The following GULP1 variants were observed in gnomAD, a reference collection of about 807,000 sequenced individuals.
The protein encoded by GULP1 is GULP PTB domain containing engulfment adaptor 1.
GULP1 carries 19 observed loss-of-function variants against 40.9 expected under a neutral mutation model. That is an observed-to-expected ratio of 0.46 (90% CI 0.32 to 0.68). The LOEUF (loss-of-function observed/expected upper bound fraction) is 0.68. Ranked by LOEUF, GULP1 falls within the 30% of genes least tolerant of loss-of-function variation. GULP1 has a pLI of 0.03. For missense variants in GULP1, 312 were observed against 362.2 expected, an observed-to-expected ratio of 0.86 and a Z score of 1.12; for synonymous variants, 119 against 117.6, an observed-to-expected ratio of 1.01 and a Z score of -0.08.
chr2:188,379,587 A>C (rs1343671287), intron 1 of GULP1, among the ~76,000 whole-genome samples: 2 of 152,102 alleles, frequency 1.3e-5, no homozygotes, highest in Non-Finnish European at 2.9e-5. Context: ...CCGCCTTGGC[A>C]ATATGATCTT....
chr2:188,454,613 G>C (rs568743497), intron 2 of GULP1, among the ~76,000 whole-genome samples: 1 of 152,212 alleles, frequency 6.6e-6, no homozygotes, highest in Non-Finnish European at 1.5e-5. Flanking sequence ...GCCTCTGTCA[G>C]TAGATCAGGA....
intron 1 of GULP1, among the ~76,000 whole-genome samples, chr2:188,378,709 C>G (rs544347319): frequency 1.3e-5 from 2 of 152,056 alleles, no homozygotes; most frequent in South Asian, 4.1e-4. Context: ...AAGGGACTAA[C>G]AGAGCAAGAA....
At chr2:188,327,327 C>T (rs1331104200) in intron 1 of GULP1, among the ~76,000 whole-genome samples, 1 of 152,090 alleles carries the variant, frequency 6.6e-6, no homozygotes, top group Non-Finnish European at 1.5e-5. Context: ...TTGAATCTGG[C>T]AATAGATGGA....
chr2:188,372,560 A>G (rs1206947332), intron 1 of GULP1, among the ~76,000 whole-genome samples: 1 of 152,028 alleles, frequency 6.6e-6, no homozygotes, highest in African/African-American at 2.4e-5. Flanking sequence ...AAGTGTTTTC[A>G]TACATGAACT....
At chr2:188,447,255 A>C (rs958484178) in intron 2 of GULP1, among the ~76,000 whole-genome samples, 1 of 152,110 alleles carries the variant, frequency 6.6e-6, no homozygotes, top group Non-Finnish European at 1.5e-5. Context: ...ATAAATTGTA[A>C]ATGTTTCTTA....
chr2:188,474,861 T>C (rs910236858), intron 2 of GULP1, among the ~76,000 whole-genome samples: 1 of 152,146 alleles, frequency 6.6e-6, no homozygotes, highest in Non-Finnish European at 1.5e-5. Context: ...CATGTGTTTG[T>C]AGTCACTAAA....
At chr2:188,397,725 G>A (rs539538156) in intron 2 of GULP1, among the ~76,000 whole-genome samples, 52 of 152,222 alleles carry the variant, frequency 3.4e-4, no homozygotes, top group African/African-American at 1.1e-3. Flanking sequence ...TCAAGCTGTC[G>A]GCTACAACTG....
intron 4 of GULP1, among the ~76,000 whole-genome samples, chr2:188,499,386 T>A (rs549874975): frequency 6.6e-6 from 1 of 151,448 alleles, no homozygotes; most frequent in African/African-American, 2.4e-5. Flanking sequence ...ATCCACCTCA[T>A]CCTGCCTCAT....
chr2:188,426,588 G>A (rs2056228563), intron 2 of GULP1, among the ~76,000 whole-genome samples: 1 of 152,134 alleles, frequency 6.6e-6, no homozygotes, highest in Admixed American at 6.5e-5. Context: ...TACCTGTTAT[G>A]TGATGCTATA....
intron 2 of GULP1, among the ~76,000 whole-genome samples, chr2:188,395,764 C>T (rs1296286860): frequency 6.6e-6 from 1 of 152,170 alleles, no homozygotes; most frequent in Non-Finnish European, 1.5e-5. Flanking sequence ...GGGGCTGCCA[C>T]ACTCTAGGTT....
chr2:188,373,906 G>T (rs936888338), intron 1 of GULP1, among the ~76,000 whole-genome samples: 1 of 151,920 alleles, frequency 6.6e-6, no homozygotes, highest in African/African-American at 2.4e-5. Context: ...TTATGAAATT[G>T]TTCATATCTC....
At chr2:188,580,469 C>T (rs1459269632) in intron 9 of GULP1, among the ~76,000 whole-genome samples, 2 of 149,476 alleles carry the variant, frequency 1.3e-5, no homozygotes, top group African/African-American at 4.9e-5. Context: ...AGGAGAATGG[C>T]GTGAACCCGG....
chr2:188,353,550 T>A (rs531009168), intron 1 of GULP1, among the ~76,000 whole-genome samples: 2 of 152,092 alleles, frequency 1.3e-5, no homozygotes, highest in African/African-American at 2.4e-5. Context: ...TTGTAGTCAC[T>A]GTGCCAGAGC....
At chr2:188,476,982 C>G (rs1043253786) in intron 2 of GULP1, among the ~76,000 whole-genome samples, 1 of 152,014 alleles carries the variant, frequency 6.6e-6, no homozygotes, top group South Asian at 2.1e-4. Context: ...TTTACCTAAG[C>G]TGCTGAATTT....
chr2:188,344,837 G>C lies in GULP1; in HGVS notation c.-171-38926G>C, dbSNP rs563967608. Among the ~76,000 whole-genome samples, 4 of 152,136 alleles carry C rather than the reference G, an allele frequency of 2.6e-5. No individual in the cohort carries two copies. The South Asian group carries it at 8.3e-4, about 31-fold the overall frequency. ...ACATGCACATACCTATGTACACACAGAAACATATACACACATATATGTACA... is the reference window on the plus strand; with the variant it reads ...ACATGCACATACCTATGTACACACACAAACATATACACACATATATGTACA... On this transcript the variant is annotated intron_variant, in intron 1 of 11. Coordinates refer to ENST00000409830, the MANE Select transcript of GULP1 (RefSeq NM_016315.4).
chr2:188,335,471 T>C (rs1324157474), intron 1 of GULP1, among the ~76,000 whole-genome samples: 1 of 152,184 alleles, frequency 6.6e-6, no homozygotes, highest in African/African-American at 2.4e-5. Flanking sequence ...AGGTTTCTGC[T>C]CAGAATCGCT....
chr2:188,401,941 T>C (rs1390082183), intron 2 of GULP1, among the ~76,000 whole-genome samples: 1 of 152,188 alleles, frequency 6.6e-6, no homozygotes, highest in Non-Finnish European at 1.5e-5. Context: ...TAATGGTATT[T>C]AGATTTCTGG....
chr2:188,378,064 A>G (rs2048516343), intron 1 of GULP1, among the ~76,000 whole-genome samples: 1 of 152,206 alleles, frequency 6.6e-6, no homozygotes, highest in Non-Finnish European at 1.5e-5. Flanking sequence ...CATAGAATAT[A>G]TCATTCAATA....
chr2:188,344,870 A>T (rs2043421545), intron 1 of GULP1, among the ~76,000 whole-genome samples: 1 of 152,188 alleles, frequency 6.6e-6, no homozygotes, highest in Admixed American at 6.5e-5. Flanking sequence ...ACATATACAC[A>T]CATTTAGTTA....
Sources: allele counts gnomAD v4.1 joint callset (sites outside exome capture counted in the v4.1 genomes callset), GRCh38; gene constraint gnomAD v4.1.1; transcripts MANE v1.5; gene names NCBI Gene and HGNC (gene_info 2026-07-23, HGNC 2026-07-21).